Variants in PTPRM observed in about 807,000 individuals in gnomAD.
PTPRM encodes receptor-type tyrosine-protein phosphatase mu.
A neutral mutation model predicts 186.7 loss-of-function variants in PTPRM; 47 were observed. The ratio of observed to expected loss-of-function variants is 0.25; its 90% CI spans 0.20 to 0.32. The LOEUF is 0.32. Among genes scored for constraint, PTPRM ranks in the 10% least tolerant of loss-of-function variants. The probability of loss-of-function intolerance (pLI) is 1.00; values close to 1 mark genes in which losing one functional copy is unlikely to be tolerated. For missense variants in PTPRM, 1,494 were observed against 1,865.0 expected, an observed-to-expected ratio of 0.80 and a Z score of 3.66; for synonymous variants, 668 against 674.9, an observed-to-expected ratio of 0.99 and a Z score of 0.16.
chr18:7,681,571 G>A (rs2039481205), intron 1 of PTPRM, among the ~76,000 whole-genome samples: 3 of 151,328 alleles, frequency 2.0e-5, no homozygotes, highest in Admixed American at 1.3e-4. Flanking sequence ...GAATTAAAGA[G>A]GTGTTAGATT....
chr18:7,931,955 T>G (rs916610191), intron 5 of PTPRM, among the ~76,000 whole-genome samples: 5 of 152,234 alleles, frequency 3.3e-5, no homozygotes, highest in African/African-American at 1.2e-4. Context: ...TTACAAGACC[T>G]GTGGCATGGG....
At chr18:7,700,382 G>C (rs2039934568) in intron 1 of PTPRM, among the ~76,000 whole-genome samples, 1 of 152,160 alleles carries the variant, frequency 6.6e-6, no homozygotes, top group African/African-American at 2.4e-5. Flanking sequence ...CATACATTCA[G>C]TAGCCAGGAA....
At chr18:8,288,347 A>G (rs2094981075) in intron 19 of PTPRM, among the ~76,000 whole-genome samples, 1 of 152,220 alleles carries the variant, frequency 6.6e-6, no homozygotes, top group Non-Finnish European at 1.5e-5. Context: ...TCGAGAAGAC[A>G]TTCCAGATAA....
chr18:7,949,300 G>C lies in PTPRM; in HGVS notation c.783G>C (p.Met261Ile). 1 of 1,614,136 alleles carries C rather than the reference G, an allele frequency of 6.2e-7. No homozygotes were observed. Among genetic ancestry groups the C allele is most frequent in the Non-Finnish European group, 8.5e-7 (1 of 1,179,976 alleles). Residue 261 changes from methionine to isoleucine, a missense_variant, in exon 6 of 33, where the codon ATG (methionine) becomes ATC (isoleucine). Physicochemically the swap from Met to Ile is conservative, Grantham distance 10. Around this residue, in one of 3 missense-constraint regions of PTPRM, gnomAD observed 296 missense variants for 345.5 expected, o/e 0.86. Coordinates refer to ENST00000580170, the MANE Select transcript of PTPRM (RefSeq NM_001105244.2). Reference protein sequence around the residue: ...TKRDAGKYRCMIRTEGGVGIS... With the variant: ...TKRDAGKYRCIIRTEGGVGIS... ...GAGATGCTGGAAAGTACCGCTGCATGATTCGCACTGAAGGAGGTGTTGGAA... is the reference window on the plus strand; with the variant it reads ...GAGATGCTGGAAAGTACCGCTGCATCATTCGCACTGAAGGAGGTGTTGGAA...
intron 9 of PTPRM, among the ~76,000 whole-genome samples, chr18:8,078,556 A>G (rs949454824): frequency 2.0e-5 from 3 of 152,206 alleles, no homozygotes; most frequent in African/African-American, 4.8e-5. Flanking sequence ...TCTTTAAGGG[A>G]GGCAGCACAC....
intron 3 of PTPRM, among the ~76,000 whole-genome samples, chr18:7,898,873 T>C (rs2146471783): frequency 6.6e-6 from 1 of 152,348 alleles, no homozygotes; most frequent in African/African-American, 2.4e-5. Context: ...AACACTGAAT[T>C]AGTGAATACT....
chr18:8,178,320 G>A (rs9964644), intron 14 of PTPRM, among the ~76,000 whole-genome samples: 88,313 of 152,016 alleles, frequency 0.58, 26,445 homozygotes, highest in African/African-American at 0.69. Flanking sequence ...CAGGTTTGCC[G>A]TCATTCTTGA....
In PTPRM at chr18:7,707,152, T is replaced by C. The variant is rs372767587; in HGVS notation, c.74-66997T>C. ...TTAGGAATCTCTTTATAGGAAAATA[T>C]AAAGCATTATTAATTACTTGAGCTT... On this transcript the variant is annotated intron_variant, in intron 1 of 32. Transcript: ENST00000580170. Among the ~76,000 whole-genome samples, 34 of 152,294 alleles carry C rather than the reference T, an allele frequency of 2.2e-4. 1 individual carries two copies. Among genetic ancestry groups the C allele is most frequent in the East Asian group, 2.1e-3 (11 of 5,192 alleles).
At chr18:7,620,764 T>C (rs924230751) in intron 1 of PTPRM, among the ~76,000 whole-genome samples, 2 of 152,164 alleles carry the variant, frequency 1.3e-5, no homozygotes, top group African/African-American at 4.8e-5. Context: ...CATTCCAAGA[T>C]GTACACTCTT....
chr18:7,776,853 T>G (rs1388580004), intron 2 of PTPRM, among the ~76,000 whole-genome samples: 4 of 152,204 alleles, frequency 2.6e-5, no homozygotes, highest in African/African-American at 9.6e-5. Flanking sequence ...TTGTTAGAAG[T>G]GAGGAAACAG....
Position 8,016,831 on chromosome 18 carries a change from G to A in PTPRM, c.1133-52855G>A, listed in dbSNP as rs542546306. ...CTATCCATACCAATAATCTGGAGAT[G>A]ATCACACTTTCCAAGCAGAGAGCTG... On this transcript the variant is annotated intron_variant, in intron 7 of 32. Transcript: ENST00000580170. 3.3e-5 allele frequency among the ~76,000 whole-genome samples: 5 copies of A among 152,296 alleles called. No homozygotes were observed. In the East Asian group the frequency reaches 9.6e-4, roughly 29 times the overall value.
At chr18:7,896,186 G>A (rs1599355773) in intron 3 of PTPRM, among the ~76,000 whole-genome samples, 1 of 152,108 alleles carries the variant, frequency 6.6e-6, no homozygotes, top group East Asian at 1.9e-4. Context: ...CAGGGCACCT[G>A]CCTCCTTTGA....
chr18:8,240,786 G>C (rs2094421484), intron 14 of PTPRM, among the ~76,000 whole-genome samples: 1 of 70,836 alleles, frequency 1.4e-5, no homozygotes, highest in Non-Finnish European at 3.1e-5. Context: ...GGGAGAGAGA[G>C]AGAGAGAGAG....
At chr18:7,904,490 A>C (rs2049872673) in intron 3 of PTPRM, among the ~76,000 whole-genome samples, 1 of 152,154 alleles carries the variant, frequency 6.6e-6, no homozygotes, top group South Asian at 2.1e-4. Context: ...TAACATTACA[A>C]AATGTTACAT....
chr18:7,605,112 C>T (rs2037498393), intron 1 of PTPRM, among the ~76,000 whole-genome samples: 1 of 151,998 alleles, frequency 6.6e-6, no homozygotes, highest in African/African-American at 2.4e-5. Context: ...CTTCCCTGGG[C>T]CGTGTTGGAA....
chr18:8,035,552 T>A lies in PTPRM; in HGVS notation c.1133-34134T>A, dbSNP rs183612904. 1.0e-3 allele frequency among the ~76,000 whole-genome samples: 155 copies of A among 152,326 alleles called. 1 individual carries two copies. Among genetic ancestry groups the A allele is most frequent in the Admixed American group, 1.6e-3 (25 of 15,300 alleles). ...GTAAATAGTTCTTATACTATATTAT[T>A]TTTTATTTGTATTATTTTTATTGTT... On this transcript the variant is annotated intron_variant, in intron 7 of 32. Coordinates refer to ENST00000580170, the MANE Select transcript of PTPRM (RefSeq NM_001105244.2).
chr18:8,113,799 G>T, intron 12 of PTPRM, 40 bp downstream of exon 12: 1 of 1,546,788 alleles, frequency 6.5e-7, no homozygotes, highest in Non-Finnish European at 8.8e-7. Flanking sequence ...GCTATTTGGG[G>T]TTGTTAATGT....
chr18:8,320,487 T>C (rs1284650794), intron 22 of PTPRM, among the ~76,000 whole-genome samples: 1 of 152,192 alleles, frequency 6.6e-6, no homozygotes, highest in African/African-American at 2.4e-5. Context: ...TCCGATATCA[T>C]AGCTACAAAT....
intron 1 of PTPRM, among the ~76,000 whole-genome samples, chr18:7,729,062 C>T (rs1354169752): frequency 2.0e-5 from 3 of 151,954 alleles, no homozygotes; most frequent in Non-Finnish European, 4.4e-5. Context: ...AGTTGTGCAC[C>T]ACCACACTGG....
Sources: gnomAD v4.1 joint callset for allele counts (sites outside exome capture counted in the v4.1 genomes callset) on GRCh38, gnomAD v4.1.1 for gene constraint, gnomAD v4.1.1 regional missense constraint, MANE v1.5 for transcripts, NCBI Gene and HGNC (gene_info 2026-07-23, HGNC 2026-07-21) for gene names.